The following ZBTB20 variants were observed in gnomAD, a reference collection of about 807,000 sequenced individuals.
The protein encoded by ZBTB20 is zinc finger and BTB domain containing 20, also known as zinc finger and BTB domain-containing protein 20.
Under a neutral mutation model 56.9 loss-of-function variants are expected in ZBTB20, and 9 were observed. That is an observed-to-expected ratio of 0.16 (90% CI 0.10 to 0.28). ZBTB20 has a LOEUF of 0.28. Among genes scored for constraint, ZBTB20 ranks in the 10% least tolerant of loss-of-function variants. The pLI, the probability that ZBTB20 is intolerant of heterozygous loss-of-function variation, is 1.00. For missense variants in ZBTB20, 655 were observed against 1,003.0 expected, an observed-to-expected ratio of 0.65 and a Z score of 4.69; for synonymous variants, 417 against 420.7, an observed-to-expected ratio of 0.99 and a Z score of 0.11.
At chr3:114,813,816 A>C (rs2072733412) in intron 4 of ZBTB20, among the ~76,000 whole-genome samples, 1 of 152,184 alleles carries the variant, frequency 6.6e-6, no homozygotes, top group Non-Finnish European at 1.5e-5. Flanking sequence ...CTAATATAAT[A>C]TAATCTAGAT....
intron 7 of ZBTB20, among the ~76,000 whole-genome samples, chr3:114,455,172 C>G (rs933151178): frequency 6.6e-6 from 1 of 151,116 alleles, no homozygotes; most frequent in African/African-American, 2.4e-5. Context: ...AGAGAGAGCG[C>G]GAGAGGGAGA....
chr3:114,663,321 T>C (rs1264548384), intron 6 of ZBTB20, among the ~76,000 whole-genome samples: 1 of 151,430 alleles, frequency 6.6e-6, no homozygotes, highest in Non-Finnish European at 1.5e-5. Context: ...TAAAATACTT[T>C]ACAGACAAGC....
intron 7 of ZBTB20, among the ~76,000 whole-genome samples, chr3:114,478,073 T>C (rs1415721955): frequency 6.6e-6 from 1 of 151,556 alleles, no homozygotes; most frequent in Admixed American, 6.6e-5. Flanking sequence ...CCCTGCCTCC[T>C]GGGTTCATGA....
At chr3:114,480,766 A>T (rs891921375) in intron 7 of ZBTB20, among the ~76,000 whole-genome samples, 1 of 152,168 alleles carries the variant, frequency 6.6e-6, no homozygotes, top group Non-Finnish European at 1.5e-5. Flanking sequence ...TGAGGAACAC[A>T]TAGGGATGTC....
chr3:114,746,820 A>C (rs1025484409), intron 5 of ZBTB20, among the ~76,000 whole-genome samples: 2 of 152,214 alleles, frequency 1.3e-5, no homozygotes, highest in Non-Finnish European at 2.9e-5. Context: ...TATATTGAAA[A>C]TTTATTAGAT....
At chr3:115,010,982 C>A (rs2079678717) in intron 2 of ZBTB20, among the ~76,000 whole-genome samples, 1 of 151,252 alleles carries the variant, frequency 6.6e-6, no homozygotes, top group African/African-American at 2.4e-5. Flanking sequence ...GGCAGAAATT[C>A]TGGAGCTTTA....
At chr3:114,451,205 CAA>C (rs10667324) in intron 7 of ZBTB20, among the ~76,000 whole-genome samples, 4 of 136,272 alleles carry the variant, frequency 2.9e-5, no homozygotes, top group Admixed American at 7.5e-5. Context: ...CAGAGGATGC[CAA>C]AAAAAAAAAA....
intron 5 of ZBTB20, among the ~76,000 whole-genome samples, chr3:114,764,372 G>A (rs551927467): frequency 8.6e-5 from 13 of 152,004 alleles, no homozygotes; most frequent in African/African-American, 3.1e-4. Context: ...CGATTCAGCC[G>A]TGGCTGCCAA....
intron 10 of ZBTB20, chr3:114,366,574 C>T (rs2082422493): frequency 6.6e-6 from 1 of 152,106 alleles, no homozygotes. Flanking sequence ...TATTTTAAAG[C>T]TCTATTTTGG....
intron 2 of ZBTB20, among the ~76,000 whole-genome samples, chr3:114,980,719 T>A (rs905847117): frequency 6.6e-6 from 1 of 151,880 alleles, no homozygotes; most frequent in Admixed American, 6.6e-5. Flanking sequence ...ATATTAATAA[T>A]TTTGAAACTT....
chr3:115,114,635 C>G (rs888224583), intron 1 of ZBTB20, among the ~76,000 whole-genome samples: 7 of 152,010 alleles, frequency 4.6e-5, no homozygotes, highest in African/African-American at 1.7e-4. Flanking sequence ...TATTTTTGTA[C>G]AATTTTCAAT....
intron 7 of ZBTB20, among the ~76,000 whole-genome samples, chr3:114,411,164 A>G (rs1356058386): frequency 6.6e-6 from 1 of 152,148 alleles, no homozygotes; most frequent in Non-Finnish European, 1.5e-5. Flanking sequence ...TCAAAAATAC[A>G]CAAAGTGGGG....
At chr3:114,937,820 G>T (rs1428494844) in intron 3 of ZBTB20, among the ~76,000 whole-genome samples, 1 of 152,024 alleles carries the variant, frequency 6.6e-6, no homozygotes, top group Non-Finnish European at 1.5e-5. Context: ...GTTCCTGGCC[G>T]GGCACGGTGG....
intron 6 of ZBTB20, among the ~76,000 whole-genome samples, chr3:114,567,514 C>G (rs562809091): frequency 6.6e-6 from 1 of 152,192 alleles, no homozygotes; most frequent in Non-Finnish European, 1.5e-5. Context: ...GGCTTTTACA[C>G]ATGCATCTAT....
At chr3:114,772,286 G>A (rs2069268513) in intron 5 of ZBTB20, among the ~76,000 whole-genome samples, 1 of 152,118 alleles carries the variant, frequency 6.6e-6, no homozygotes, top group Non-Finnish European at 1.5e-5. Flanking sequence ...GGTGCAGTGA[G>A]CCGAGATTAG....
chr3:114,761,569 T>G (rs2068442732), intron 5 of ZBTB20, among the ~76,000 whole-genome samples: 1 of 152,136 alleles, frequency 6.6e-6, no homozygotes, highest in Admixed American at 6.6e-5. Context: ...GCACGGTGGC[T>G]CAAGACTGTA....
intron 7 of ZBTB20, among the ~76,000 whole-genome samples, chr3:114,466,515 C>G (rs1272327987): frequency 6.6e-6 from 1 of 152,176 alleles, no homozygotes; most frequent in Non-Finnish European, 1.5e-5. Flanking sequence ...TAGCAGAACT[C>G]ACATGTTACC....
chr3:114,346,547 T>G (rs955165904), intron 11 of ZBTB20, among the ~76,000 whole-genome samples: 1 of 152,152 alleles, frequency 6.6e-6, no homozygotes, highest in African/African-American at 2.4e-5. Flanking sequence ...CAATCGTCTT[T>G]CATTTATGCC....
intron 5 of ZBTB20, among the ~76,000 whole-genome samples, chr3:114,763,564 C>G (rs1309495725): frequency 6.6e-6 from 1 of 152,088 alleles, no homozygotes; most frequent in Admixed American, 6.6e-5. Context: ...GACACTAACT[C>G]TGCTACAACC....
Sources: gnomAD v4.1 joint callset for allele counts (sites outside exome capture counted in the v4.1 genomes callset) on GRCh38, gnomAD v4.1.1 for gene constraint, MANE v1.5 for transcripts, NCBI Gene and HGNC (gene_info 2026-07-23, HGNC 2026-07-21) for gene names.